Variants in PPFIA1 observed in about 807,000 individuals in gnomAD.
The protein encoded by PPFIA1 is liprin-alpha-1.
Under a neutral mutation model 149.9 loss-of-function variants are expected in PPFIA1, and 25 were observed. The observed-to-expected ratio is 0.17, with a 90% confidence interval of 0.12 to 0.23. The LOEUF (loss-of-function observed/expected upper bound fraction) is 0.23. PPFIA1 is among the 10% of genes least tolerant of loss of function. The pLI, the probability that PPFIA1 is intolerant of heterozygous loss-of-function variation, is 1.00. For synonymous variants in PPFIA1, 549 were observed against 552.8 expected (o/e 0.99, Z 0.10); for missense variants, 1,362 against 1,506.5 (o/e 0.90, Z 1.59).
chr11:70,299,091 T>C (rs950606012), intron 2 of PPFIA1, among the ~76,000 whole-genome samples: 1 of 151,700 alleles, frequency 6.6e-6, no homozygotes, highest in Non-Finnish European at 1.5e-5. Flanking sequence ...ACACAAAAAT[T>C]AGCCAAGCGT....
At position 70,272,243 on chromosome 11, in the gene PPFIA1, C is replaced by T; in HGVS notation, c.71C>T (p.Ser24Phe). The T allele has an allele frequency of 6.2e-7, 1 of 1,614,118 alleles. No individual in the cohort carries two copies. The highest frequency in any genetic ancestry group is 8.5e-7 in the Non-Finnish European group (1 of 1,180,000). The change falls in exon 2 of 28, where the codon TCC (serine) becomes TTC (phenylalanine). Residue 24 changes from serine (S) to phenylalanine (F), a missense_variant. Physicochemically the swap from Ser to Phe is radical, Grantham distance 155. Coordinates refer to ENST00000253925, the MANE Select transcript of PPFIA1 (RefSeq NM_003626.5). ...CCTGGAGGAGGTGGAGGCCATGGTT[C>T]CGGCTCCCCTTCACAGCCAGATGCA... is the stretch of plus-strand genomic sequence containing the variant. ...GPPGGGGGHG[S>F]GSPSQPDADS... is the part of the protein sequence containing the mutation.
At chr11:70,376,663 G>A in intron 25 of PPFIA1, 63 bp downstream of exon 25, 1 of 1,314,986 alleles carries the variant, frequency 7.6e-7, no homozygotes, top group South Asian at 1.2e-5. Context: ...AAATGTGTGT[G>A]AAATGTAAGC....
At chr11:70,343,022 A>C (rs1158032592) in intron 14 of PPFIA1, among the ~76,000 whole-genome samples, 1 of 131,504 alleles carries the variant, frequency 7.6e-6, no homozygotes, top group Non-Finnish European at 1.5e-5. Flanking sequence ...ACCTGGACTC[A>C]TTGCAACTTC....
chr11:70,362,593 A>T, intron 21 of PPFIA1, 105 bp downstream of exon 21: 1 of 1,234,584 alleles, frequency 8.1e-7, no homozygotes, highest in South Asian at 1.6e-5. Flanking sequence ...ACAGCATATG[A>T]AGTATAGTTC....
chr11:70,370,198 A>G (rs1441802518), intron 21 of PPFIA1, among the ~76,000 whole-genome samples: 2 of 151,518 alleles, frequency 1.3e-5, no homozygotes, highest in Admixed American at 1.3e-4. Flanking sequence ...GTGGTGATTT[A>G]TATCTTCTGT....
chr11:70,284,917 C>T (rs529514051), intron 2 of PPFIA1, among the ~76,000 whole-genome samples: 6 of 152,076 alleles, frequency 3.9e-5, no homozygotes, highest in Non-Finnish European at 7.4e-5. Flanking sequence ...TTTTAAGTAC[C>T]TTAGGGCTTC....
intron 2 of PPFIA1, among the ~76,000 whole-genome samples, chr11:70,291,459 C>G (rs1156944265): frequency 6.6e-6 from 1 of 152,096 alleles, no homozygotes; most frequent in Non-Finnish European, 1.5e-5. Context: ...AAAGAAATTC[C>G]AAGTAAAATT....
At chr11:70,379,290 C>T (rs1565471654) in intron 26 of PPFIA1, among the ~76,000 whole-genome samples, 1 of 145,706 alleles carries the variant, frequency 6.9e-6, no homozygotes, top group African/African-American at 2.5e-5. Context: ...CCCGTCTCTA[C>T]AAAAAAAAAA....
chr11:70,343,931 G>A (rs2055514766), intron 15 of PPFIA1, 39 bp downstream of exon 15: 3 of 1,543,670 alleles, frequency 1.9e-6, no homozygotes, highest in South Asian at 1.1e-5. Flanking sequence ...ACACGCATGG[G>A]TGTCTCTGAG....
At chr11:70,348,748 G>A (rs2055868955) in intron 16 of PPFIA1, among the ~76,000 whole-genome samples, 1 of 152,072 alleles carries the variant, frequency 6.6e-6, no homozygotes, top group African/African-American at 2.4e-5. Flanking sequence ...GTGTGTGCCT[G>A]TAGTCCCAGC....
intron 8 of PPFIA1, 75 bp from the exon 9 acceptor site, chr11:70,331,883 TCA>T (rs1358053546): frequency 8.2e-6 from 12 of 1,470,082 alleles, no homozygotes; most frequent in Non-Finnish European, 1.1e-5. Context: ...TATCTGCATT[TCA>T]GTTTGTTTCA....
At chr11:70,295,541 G>A (rs1385960141) in intron 2 of PPFIA1, among the ~76,000 whole-genome samples, 4 of 141,874 alleles carry the variant, frequency 2.8e-5, no homozygotes, top group South Asian at 2.2e-4. Flanking sequence ...CGGACGGGGC[G>A]GCTGGCCGGG....
intron 2 of PPFIA1, among the ~76,000 whole-genome samples, chr11:70,313,955 T>C (rs1419785037): frequency 6.6e-6 from 1 of 152,098 alleles, no homozygotes; most frequent in Non-Finnish European, 1.5e-5. Flanking sequence ...GAAGTCAAGG[T>C]TTCAGTGAGC....
chr11:70,348,602 G>T (rs761929026), intron 16 of PPFIA1, among the ~76,000 whole-genome samples, 182 bp downstream of exon 16: 1 of 152,182 alleles, frequency 6.6e-6, no homozygotes, highest in South Asian at 2.1e-4. Context: ...ATCTGGGGCC[G>T]GGCGTGGTGG....
intron 2 of PPFIA1, among the ~76,000 whole-genome samples, chr11:70,290,313 G>A (rs1000457522): frequency 6.6e-6 from 1 of 152,198 alleles, no homozygotes; most frequent in South Asian, 2.1e-4. Flanking sequence ...TGTAAACTCA[G>A]AAGTCTTGCA....
chr11:70,354,283 A>G lies in PPFIA1; in HGVS notation c.2164-18A>G, dbSNP rs2137330848. On this transcript the variant is annotated intron_variant, in intron 16 of 27. Transcript: ENST00000253925. ...ACAGTCTGCTGTTAACTAACTTTGCACTTCTCTCACCCCTCAGTTGCCACC... is the reference window on the plus strand; with the variant it reads ...ACAGTCTGCTGTTAACTAACTTTGCGCTTCTCTCACCCCTCAGTTGCCACC... 2 of 1,599,912 alleles carry G rather than the reference A, an allele frequency of 1.3e-6. No homozygotes were observed. Among genetic ancestry groups the G allele is most frequent in the Non-Finnish European group, 1.7e-6 (2 of 1,172,842 alleles).
intron 7 of PPFIA1, 179 bp downstream of exon 7, chr11:70,326,997 C>T (rs1414951886): frequency 3.3e-6 from 2 of 597,692 alleles, no homozygotes; most frequent in East Asian, 2.9e-5. Context: ...GCTACCTCCC[C>T]ATTTTTGTTG....
rs764023771 is a variant in PPFIA1, at chr11:70,376,641, G to A, written c.3384+41G>A. ...AATGTTCTTTAAATGTCTGAAATGT[G>A]TGTAAATGTTTAAATGTGTGTGAAA... is the stretch of plus-strand genomic sequence containing the variant. On this transcript the variant is annotated intron_variant, in intron 25 of 27. Coordinates refer to ENST00000253925, the MANE Select transcript of PPFIA1 (RefSeq NM_003626.5). The A allele has an allele frequency of 6.2e-6, 9 of 1,462,156 alleles. No individual in the cohort carries two copies. The East Asian group carries it at 1.4e-4, about 22-fold the overall frequency. 90.6% of individuals were successfully genotyped at this position (1,462,156 alleles called of 1,614,324 possible).
Position 70,384,093 on chromosome 11 carries a change from G to A in PPFIA1, c.*1103G>A, listed in dbSNP as rs544097476. Reference sequence around the variant, plus strand: ...TGATGCTCTAGCCATTTTGGATTGTGTAAGTTGCAGATGTGGCTTTTACTT... The same window carrying A: ...TGATGCTCTAGCCATTTTGGATTGTATAAGTTGCAGATGTGGCTTTTACTT... On this transcript the variant is annotated 3_prime_UTR_variant, in exon 28 of 28. Transcript: ENST00000253925. 8 of 152,376 alleles carry A rather than the reference G, an allele frequency of 5.3e-5. No individual in the cohort carries two copies. The highest frequency in any genetic ancestry group is 1.9e-4 in the African/African-American group (8 of 41,592). The allele number at this position is 152,376 out of a possible 1,614,324, so 9.4% of individuals were successfully genotyped here.
Sources: allele counts gnomAD v4.1 joint callset (sites outside exome capture counted in the v4.1 genomes callset), GRCh38; gene constraint gnomAD v4.1.1; transcripts MANE v1.5; gene names NCBI Gene and HGNC (gene_info 2026-07-23, HGNC 2026-07-21).